Variants in SLC66A2 observed in about 807,000 individuals in gnomAD.
SLC66A2 encodes the protein PQ loop repeat containing 1.
Under a neutral mutation model 25.5 loss-of-function variants are expected in SLC66A2, and 23 were observed. The observed-to-expected ratio is 0.90, with a 90% CI of 0.65 to 1.28. The LOEUF (loss-of-function observed/expected upper bound fraction) is 1.28, where lower values mean the gene tolerates loss of function less well. Ranked by LOEUF, SLC66A2 falls within the 50% of genes most tolerant of loss-of-function variation. The probability of loss-of-function intolerance (pLI) is 0.00; values close to 1 mark genes in which losing one functional copy is unlikely to be tolerated. For missense variants in SLC66A2, 396 were observed against 373.1 expected, an observed-to-expected ratio of 1.06 and a Z score of -0.51; for synonymous variants, 193 against 166.5, an observed-to-expected ratio of 1.16 and a Z score of -1.23.
chr18:79,919,268 C>T lies in SLC66A2; in HGVS notation c.524G>A (p.Gly175Asp). ...GGCTTCGGTCAGCACAGCCAGGAAG[C>T]CCAGGGTCTCCACAAACAGGGCGGA... ...IDSALFVETL[G>D]FLAVLTEAML... The change falls in exon 5 of 6, where the codon GGC becomes GAC. Residue 175 changes from glycine (G) to aspartate (D), a missense_variant. Gly to Asp is a moderately conservative substitution (Grantham distance 94, BLOSUM62 -1). Coordinates refer to ENST00000397778, the MANE Select transcript of SLC66A2 (RefSeq NM_025078.5). 6.2e-7 allele frequency: 1 copy of T among 1,613,348 alleles called. No homozygotes were observed. Among genetic ancestry groups the T allele is most frequent in the Non-Finnish European group, 8.5e-7 (1 of 1,180,028 alleles).
intron 5 of SLC66A2, among the ~76,000 whole-genome samples, chr18:79,910,339 A>G (rs531202110): frequency 3.8e-5 from 2 of 52,230 alleles, no homozygotes; most frequent in Non-Finnish European, 3.7e-5. Context: ...AGAGTCCCCA[A>G]CCTTCCCCAC....
chr18:79,908,383 A>G (rs1982444542), intron 5 of SLC66A2, among the ~76,000 whole-genome samples: 1 of 151,990 alleles, frequency 6.6e-6, no homozygotes. Flanking sequence ...CATCTGAAAA[A>G]TGTGCCACTT....
intron 4 of SLC66A2, among the ~76,000 whole-genome samples, chr18:79,922,481 C>T (rs766792397): frequency 6.6e-6 from 1 of 152,046 alleles, no homozygotes; most frequent in Admixed American, 6.5e-5. Context: ...GGGGATTCAA[C>T]GAGTTGATCT....
intron 4 of SLC66A2, among the ~76,000 whole-genome samples, chr18:79,923,842 G>A (rs900722142): frequency 6.6e-6 from 1 of 152,118 alleles, no homozygotes; most frequent in African/African-American, 2.4e-5. Context: ...GAGTCCAGGA[G>A]GTCTTGAACA....
chr18:79,947,346 A>C (rs1319806041), intron 2 of SLC66A2: 2 of 152,288 alleles, frequency 1.3e-5, no homozygotes, highest in African/African-American at 2.4e-5. Flanking sequence ...TAAGGACTGT[A>C]AGAAACAAAA....
chr18:79,950,916 T>G lies in SLC66A2; in HGVS notation c.11A>C (p.Glu4Ala). The G allele has an allele frequency of 6.4e-7, 1 of 1,563,642 alleles. No individual in the cohort carries two copies. The highest frequency in any genetic ancestry group is 1.2e-5 in the South Asian group (1 of 86,400). The change falls in exon 2 of 6, where the codon GAG becomes GCG. Residue 4 changes from glutamate to alanine, a missense_variant. Glu to Ala is a moderately radical substitution (Grantham distance 107). Transcript: ENST00000397778. ...TGGCACCAGGAGCCAGTCCAGGCCC[T>G]CGGCCTCCATCGCAGCGCCCGCCTG... MEA[E>A]GLDWLLVPLH...
At chr18:79,934,141 A>T (rs1026174835) in intron 3 of SLC66A2, 119 bp from the exon 4 acceptor site, 5 of 764,596 alleles carry the variant, frequency 6.5e-6, no homozygotes. Flanking sequence ...AAAAAAAAAA[A>T]CAAACCAGAA....
chr18:79,948,464 G>T (rs12606764), intron 2 of SLC66A2, among the ~76,000 whole-genome samples: 1 of 152,132 alleles, frequency 6.6e-6, no homozygotes, highest in African/African-American at 2.4e-5. Flanking sequence ...TCACAGCCTC[G>T]CAAGTAGCTA....
At chr18:79,948,009 G>A (rs575860979) in intron 2 of SLC66A2, among the ~76,000 whole-genome samples, 3 of 151,404 alleles carry the variant, frequency 2.0e-5, no homozygotes, top group South Asian at 2.1e-4. Context: ...AGGAACGAGC[G>A]CCCTCTGCTC....
intron 5 of SLC66A2, among the ~76,000 whole-genome samples, chr18:79,909,550 A>ACCCCCT: frequency 7.6e-6 from 1 of 131,286 alleles, no homozygotes; most frequent in South Asian, 2.5e-4. Flanking sequence ...AACCTTCCCC[A>ACCCCCT]CACCCTCACC....
At position 79,943,344 on chromosome 18, in the gene SLC66A2, G is replaced by T; in HGVS notation, c.322C>A (p.Arg108Ser). The stretch of plus-strand genomic sequence containing the variant: ...GGCCACCAACCTGTAAAGGAGCGGC[G>T]CCTGGCGTTGAGCTCGTTGGCCACA... ...VRVANELNAR[R>S]RSFTAADSKD... Residue 108 changes from arginine to serine, a missense_variant, in exon 3 of 6, where the codon CGC becomes AGC. Transcript: ENST00000397778. 1 of 1,614,138 alleles carries T rather than the reference G, an allele frequency of 6.2e-7. No homozygotes were observed. The highest frequency in any genetic ancestry group is 1.1e-5 in the South Asian group (1 of 91,074).
Position 79,904,150 on chromosome 18 carries a change from G to A in SLC66A2, c.642C>T (p.Asp214=), listed in dbSNP as rs142557456. The change falls in exon 6 of 6, where the codon GAC becomes GAT. Residue 214 remains aspartate, a synonymous_variant. Transcript: ENST00000397778. The surrounding 1 kb of genome is among the most constrained non-coding windows in gnomAD (Gnocchi z 6.3). Reference sequence around the variant, plus strand: ...GCAGGAAGTAGGCCGTCTTGAAGGCGTCACCACTGGTCCACATGAGCACCA... The same window carrying A: ...GCAGGAAGTAGGCCGTCTTGAAGGCATCACCACTGGTCCACATGAGCACCA... ...IKMVLMWTSG[D]AFKTAYFLLK... is the part of the protein sequence containing the mutation. 1.7e-4 allele frequency: 278 copies of A among 1,612,930 alleles called. No homozygotes were observed. In the Middle Eastern group the frequency reaches 2.5e-3, roughly 14 times the overall value.
intron 5 of SLC66A2, among the ~76,000 whole-genome samples, chr18:79,909,902 TAG>T (rs1335880621): frequency 1.5e-4 from 8 of 54,160 alleles, no homozygotes; most frequent in East Asian, 6.4e-4. Flanking sequence ...ACCCTCACCA[TAG>T]AGTCCCCAAC....
At chr18:79,913,137 T>C (rs533712173) in intron 5 of SLC66A2, among the ~76,000 whole-genome samples, 2 of 152,286 alleles carry the variant, frequency 1.3e-5, no homozygotes, top group African/African-American at 4.8e-5. Context: ...GGCCTGAGCC[T>C]CAGCTTCACC....
At chr18:79,949,060 G>T (rs1421836385) in intron 2 of SLC66A2, among the ~76,000 whole-genome samples, 1 of 152,134 alleles carries the variant, frequency 6.6e-6, no homozygotes, top group Non-Finnish European at 1.5e-5. Context: ...GACAAACCTC[G>T]AGACGGGACT....
intron 4 of SLC66A2, among the ~76,000 whole-genome samples, chr18:79,929,492 A>T (rs1017103116): frequency 6.6e-6 from 1 of 152,214 alleles, no homozygotes; most frequent in Non-Finnish European, 1.5e-5. Context: ...CTGCTACTAT[A>T]GTTTACCTAA....
At chr18:79,939,800 T>C (rs552598644) in intron 3 of SLC66A2, among the ~76,000 whole-genome samples, 6 of 152,298 alleles carry the variant, frequency 3.9e-5, no homozygotes, top group Admixed American at 3.9e-4. Context: ...GCTCAACCAT[T>C]GCAGAAGATG....
intron 2 of SLC66A2, among the ~76,000 whole-genome samples, chr18:79,950,208 A>G (rs1169486710): frequency 6.6e-6 from 1 of 152,152 alleles, no homozygotes; most frequent in East Asian, 1.9e-4. Context: ...TACAAAAAAA[A>G]CAATTAGCCG....
chr18:79,904,235 T>A lies in SLC66A2; in HGVS notation c.609-52A>T. 1.3e-6 allele frequency: 2 copies of A among 1,532,810 alleles called. No individual in the cohort carries two copies. The highest frequency in any genetic ancestry group is 1.8e-6 in the Non-Finnish European group (2 of 1,110,052). The allele number at this position is 1,532,810 out of a possible 1,614,324, so 95.0% of individuals were successfully genotyped here. On this transcript the variant is annotated intron_variant, in intron 5 of 5. Coordinates refer to ENST00000397778, the MANE Select transcript of SLC66A2 (RefSeq NM_025078.5). The surrounding 1 kb of genome is among the most constrained non-coding windows in gnomAD (Gnocchi z 6.3). The stretch of plus-strand genomic sequence containing the variant: ...CGGTGGGGAGGGCGGCGACCTGGGC[T>A]CAGTCAGTGGGGAGGCCTGGGGCTT...
Sources: allele counts gnomAD v4.1 joint callset (sites outside exome capture counted in the v4.1 genomes callset), GRCh38; gene constraint gnomAD v4.1.1; non-coding constraint Gnocchi (gnomAD v3.1); transcripts MANE v1.5; gene names NCBI Gene and HGNC (gene_info 2026-07-23, HGNC 2026-07-21).